MTUS2: variants seen among roughly 807,000 people sequenced by gnomAD.
MTUS2 encodes microtubule-associated tumor suppressor candidate 2.
Under a neutral mutation model 114.1 loss-of-function variants are expected in MTUS2, and 40 were observed. The observed-to-expected ratio is 0.35, with a 90% confidence interval of 0.27 to 0.46. The LOEUF is 0.46. Among genes scored for constraint, MTUS2 ranks in the 20% least tolerant of loss-of-function variants. The pLI is 1.00. For missense variants in MTUS2, 1,679 were observed against 1,705.4 expected, an observed-to-expected ratio of 0.98 and a Z score of 0.27; for synonymous variants, 688 against 672.0, an observed-to-expected ratio of 1.02 and a Z score of -0.37.
rs1366760511 is a variant in MTUS2, at chr13:29,066,222, TG to T, written c.2446+32098del. On this transcript the variant is annotated intron_variant, in intron 4 of 15. Coordinates refer to ENST00000612955, the MANE Select transcript of MTUS2 (RefSeq NM_001033602.4). ...CAGTGACCTCTTCTCAGCCAGATGC[TG>T]TCTAACACACCCTGTGTTTTCTTCA... Among the ~76,000 whole-genome samples, 61 of 152,364 alleles carry T rather than the reference TG, an allele frequency of 4.0e-4. No homozygotes were observed. The South Asian group carries it at 0.011, about 27-fold the overall frequency.
chr13:29,252,626 G>GT (rs1255291345), intron 5 of MTUS2, among the ~76,000 whole-genome samples: 1 of 152,054 alleles, frequency 6.6e-6, no homozygotes, highest in Non-Finnish European at 1.5e-5. Flanking sequence ...TTTGGCTCCC[G>GT]TAATTCCCAC....
At chr13:28,989,991 C>G (rs916454129) in intron 2 of MTUS2, among the ~76,000 whole-genome samples, 12 of 152,152 alleles carry the variant, frequency 7.9e-5, no homozygotes, top group African/African-American at 2.9e-4. Context: ...CCCTACCCTA[C>G]TTTCCTAACC....
chr13:29,021,856 A>G (rs1209246303), intron 2 of MTUS2, among the ~76,000 whole-genome samples: 1 of 152,208 alleles, frequency 6.6e-6, no homozygotes, highest in East Asian at 1.9e-4. Flanking sequence ...CAGGAAATGA[A>G]GACTGTGATC....
chr13:29,392,613 T>C (rs575387100), intron 8 of MTUS2, among the ~76,000 whole-genome samples: 12 of 152,062 alleles, frequency 7.9e-5, no homozygotes, highest in Non-Finnish European at 1.3e-4. Flanking sequence ...TTTATATGAG[T>C]TTTAAGATAG....
At chr13:28,929,165 G>A (rs1881482734) in intron 2 of MTUS2, among the ~76,000 whole-genome samples, 1 of 152,064 alleles carries the variant, frequency 6.6e-6, no homozygotes, top group African/African-American at 2.4e-5. Context: ...GCTGAGAAGG[G>A]GTGGGGGAAG....
intron 2 of MTUS2, among the ~76,000 whole-genome samples, chr13:28,847,812 C>T (rs1051065266): frequency 1.3e-5 from 2 of 152,166 alleles, no homozygotes; most frequent in Non-Finnish European, 2.9e-5. Context: ...AGTTATACTT[C>T]CTGATGCTGG....
chr13:29,466,885 A>G (rs999272325), intron 9 of MTUS2, among the ~76,000 whole-genome samples: 2 of 151,798 alleles, frequency 1.3e-5, no homozygotes. Flanking sequence ...TCAAAAAAAA[A>G]AAAAAAAAAA....
intron 2 of MTUS2, among the ~76,000 whole-genome samples, chr13:28,934,509 C>T (rs770594623): frequency 1.3e-5 from 2 of 151,860 alleles, no homozygotes; most frequent in Admixed American, 6.6e-5. Context: ...CTTTTTTAAA[C>T]GTTCACTTTA....
intron 1 of MTUS2, among the ~76,000 whole-genome samples, chr13:28,831,600 A>G (rs1238579034): frequency 6.6e-6 from 1 of 152,188 alleles, no homozygotes; most frequent in African/African-American, 2.4e-5. Context: ...GAAGTCAAAT[A>G]TGAGCATGCA....
chr13:28,829,762 T>TG (rs1259035544), intron 1 of MTUS2, among the ~76,000 whole-genome samples: 1 of 152,208 alleles, frequency 6.6e-6, no homozygotes, highest in African/African-American at 2.4e-5. Context: ...TGACACCAGT[T>TG]GGGGTTAACA....
At chr13:29,048,600 C>G (rs1366408064) in intron 4 of MTUS2, among the ~76,000 whole-genome samples, 1 of 152,196 alleles carries the variant, frequency 6.6e-6, no homozygotes, top group Non-Finnish European at 1.5e-5. Flanking sequence ...TCCCAAGTAA[C>G]TAGGACTATA....
At chr13:28,965,858 T>C in intron 2 of MTUS2, among the ~76,000 whole-genome samples, 1 of 152,162 alleles carries the variant, frequency 6.6e-6, no homozygotes, top group East Asian at 1.9e-4. Context: ...TTATGGAGCA[T>C]AATCAGCTTT....
At chr13:29,308,682 C>T (rs1899600307) in intron 6 of MTUS2, among the ~76,000 whole-genome samples, 1 of 152,058 alleles carries the variant, frequency 6.6e-6, no homozygotes, top group African/African-American at 2.4e-5. Context: ...CCAGAGTCTA[C>T]AAGGAACTTA....
At chr13:28,898,879 C>A (rs1413897068) in intron 2 of MTUS2, among the ~76,000 whole-genome samples, 1 of 152,090 alleles carries the variant, frequency 6.6e-6, no homozygotes, top group Non-Finnish European at 1.5e-5. Flanking sequence ...TGTGATTGAA[C>A]TGTGCATAGT....
chr13:29,340,385 A>T (rs1263393050), intron 7 of MTUS2, among the ~76,000 whole-genome samples: 1 of 152,228 alleles, frequency 6.6e-6, no homozygotes, highest in Admixed American at 6.5e-5. Context: ...TGTGAAAATG[A>T]ACACAATACA....
chr13:29,231,411 C>A (rs1459817626), intron 5 of MTUS2, among the ~76,000 whole-genome samples: 2 of 152,190 alleles, frequency 1.3e-5, no homozygotes, highest in African/African-American at 2.4e-5. Flanking sequence ...AATTTCTCAT[C>A]ACATCACAGA....
At chr13:29,036,155 AAG>A (rs10577160) in intron 4 of MTUS2, among the ~76,000 whole-genome samples, 61,900 of 131,660 alleles carry the variant, frequency 0.47, 14,954 homozygotes, top group African/African-American at 0.53. Context: ...AAAAAAAAAA[AAG>A]AAAGAAAAAT....
At chr13:28,890,773 G>A (rs1878872644) in intron 2 of MTUS2, among the ~76,000 whole-genome samples, 1 of 152,134 alleles carries the variant, frequency 6.6e-6, no homozygotes, top group African/African-American at 2.4e-5. Flanking sequence ...CATTGATCCT[G>A]TCATCTAGTC....
At chr13:29,105,226 C>T (rs1009933843) in intron 5 of MTUS2, among the ~76,000 whole-genome samples, 11 of 152,114 alleles carry the variant, frequency 7.2e-5, no homozygotes, top group African/African-American at 9.7e-5. Flanking sequence ...ACCTGTACTT[C>T]GTTATCACAT....
Sources: gnomAD v4.1 joint callset for allele counts (sites outside exome capture counted in the v4.1 genomes callset) on GRCh38, gnomAD v4.1.1 for gene constraint, MANE v1.5 for transcripts, NCBI Gene and HGNC (gene_info 2026-07-23, HGNC 2026-07-21) for gene names.